The following BRAF variants were observed in gnomAD, a reference collection of about 807,000 sequenced individuals.
The protein encoded by BRAF is serine/threonine-protein kinase B-raf.
A neutral mutation model predicts 104.6 loss-of-function variants in BRAF; 16 were observed. The ratio of observed to expected loss-of-function variants is 0.15; its 90% CI spans 0.10 to 0.23. The LOEUF is 0.23. Among genes scored for constraint, BRAF ranks in the 10% least tolerant of loss-of-function variants. The probability of loss-of-function intolerance (pLI) is 1.00; values close to 1 mark genes in which losing one functional copy is unlikely to be tolerated. For synonymous variants in BRAF, 310 were observed against 341.6 expected, an observed-to-expected ratio of 0.91 and a Z score of 1.02; for missense variants, 541 against 937.3, an observed-to-expected ratio of 0.58 and a Z score of 5.52.
At chr7:140,750,777 A>G (rs1159212176) in intron 16 of BRAF, among the ~76,000 whole-genome samples, 1 of 142,554 alleles carries the variant, frequency 7.0e-6, no homozygotes, top group African/African-American at 3.0e-5. Context: ...ATGGAGTAGA[A>G]ATCAGATGAA....
chr7:140,898,789 T>G (rs551690981), intron 1 of BRAF, among the ~76,000 whole-genome samples: 1 of 152,354 alleles, frequency 6.6e-6, no homozygotes, highest in South Asian at 2.1e-4. Flanking sequence ...TCTCTACTTA[T>G]AATTCTAGTA....
chr7:140,909,836 C>A (rs1456432718), intron 1 of BRAF, among the ~76,000 whole-genome samples: 1 of 148,474 alleles, frequency 6.7e-6, no homozygotes, highest in African/African-American at 2.6e-5. Context: ...ACAACAACAA[C>A]AACAACAACA....
chr7:140,841,824 T>C (rs1808000849), intron 2 of BRAF, among the ~76,000 whole-genome samples: 1 of 152,154 alleles, frequency 6.6e-6, no homozygotes, highest in South Asian at 2.1e-4. Context: ...AACCACTGAA[T>C]TACACAGTTT....
At chr7:140,761,008 G>T (rs1798667771) in intron 14 of BRAF, among the ~76,000 whole-genome samples, 1 of 152,146 alleles carries the variant, frequency 6.6e-6, no homozygotes, top group African/African-American at 2.4e-5. Context: ...AGCAAGGCAG[G>T]CCAATGTTCA....
intron 2 of BRAF, among the ~76,000 whole-genome samples, chr7:140,838,182 A>G (rs1197599040): frequency 6.6e-6 from 1 of 152,188 alleles, no homozygotes; most frequent in Non-Finnish European, 1.5e-5. Flanking sequence ...TATTTTTCAA[A>G]AAGTCTAATT....
chr7:140,812,364 C>T (rs367788796), intron 3 of BRAF, among the ~76,000 whole-genome samples: 1 of 152,110 alleles, frequency 6.6e-6, no homozygotes, highest in Non-Finnish European at 1.5e-5. Flanking sequence ...CACTAGTTTG[C>T]TTAAAATTTT....
intron 1 of BRAF, among the ~76,000 whole-genome samples, chr7:140,905,075 T>C (rs1816152161): frequency 6.6e-6 from 1 of 152,082 alleles, no homozygotes; most frequent in Non-Finnish European, 1.5e-5. Context: ...CAGTCAATTT[T>C]CCCCCCAAAA....
At chr7:140,729,143 G>T (rs192336625) in intron 19 of BRAF, among the ~76,000 whole-genome samples, 169 of 152,094 alleles carry the variant, frequency 1.1e-3, no homozygotes, top group African/African-American at 3.8e-3. Context: ...GCTGAAGTGG[G>T]AGGATCACTT....
At chr7:140,842,296 C>T (rs561534207) in intron 2 of BRAF, among the ~76,000 whole-genome samples, 1 of 152,252 alleles carries the variant, frequency 6.6e-6, no homozygotes, top group South Asian at 2.1e-4. Context: ...GCCTGAATTG[C>T]TTCATTTATA....
intron 5 of BRAF, among the ~76,000 whole-genome samples, chr7:140,804,279 A>T (rs988588466): frequency 3.3e-5 from 5 of 151,906 alleles, no homozygotes; most frequent in African/African-American, 1.2e-4. Flanking sequence ...ATCTCGGCTC[A>T]CTACAACCTC....
At chr7:140,883,980 G>T (rs1813231686) in intron 1 of BRAF, 1 of 152,102 alleles carries the variant, frequency 6.6e-6, no homozygotes, top group African/African-American at 2.4e-5. Flanking sequence ...ACAGTAATAA[G>T]AAATAAGATG....
At chr7:140,897,547 G>A (rs979454684) in intron 1 of BRAF, among the ~76,000 whole-genome samples, 9 of 136,620 alleles carry the variant, frequency 6.6e-5, no homozygotes, top group African/African-American at 2.6e-4. Context: ...CCAGGCTGGA[G>A]TGCAGTGGCA....
At chr7:140,719,233 T>C (rs1421888826), downstream of BRAF, 1 of 459,420 alleles carries the variant, frequency 2.2e-6, no homozygotes. Context: ...AAACAAAATG[T>C]ACATTTCTCA....
chr7:140,889,135 C>A (rs920790026), intron 1 of BRAF, among the ~76,000 whole-genome samples: 1 of 152,060 alleles, frequency 6.6e-6, no homozygotes, highest in Non-Finnish European at 1.5e-5. Flanking sequence ...ATCAACAGCG[C>A]CAATGTTGAG....
rs73165476 is a variant in BRAF, at chr7:140,885,586, T to C, written c.139-35374A>G. On this transcript the variant is annotated intron_variant, in intron 1 of 19. Coordinates refer to ENST00000644969, the MANE Select transcript of BRAF (RefSeq NM_001374258.1). ...TTTAGTTACATATTTGTGCCCAGAT[T>C]TTGTTCAAGGTCTGTGTTACAATGT... Among the ~76,000 whole-genome samples, 485 of 152,326 alleles carry C rather than the reference T, an allele frequency of 3.2e-3. 3 individuals carry two copies. The highest frequency in any genetic ancestry group is 5.4e-3 in the Non-Finnish European group (368 of 68,024).
chr7:140,821,881 T>A (rs1805525259), intron 3 of BRAF, among the ~76,000 whole-genome samples: 1 of 152,172 alleles, frequency 6.6e-6, no homozygotes, highest in Non-Finnish European at 1.5e-5. Flanking sequence ...GCAACCTGGA[T>A]GCAGCTGGAA....
intron 2 of BRAF, among the ~76,000 whole-genome samples, chr7:140,847,350 AG>A (rs1808672113): frequency 6.6e-6 from 1 of 152,138 alleles, no homozygotes; most frequent in Admixed American, 6.6e-5. Flanking sequence ...TGAGAGGCCA[AG>A]GGGGGCAGAT....
chr7:140,796,416 CT>C (rs1269110645), intron 7 of BRAF, among the ~76,000 whole-genome samples: 1 of 150,688 alleles, frequency 6.6e-6, no homozygotes, highest in African/African-American at 2.4e-5. Context: ...AGATAGTCTA[CT>C]GTAATAATTG....
At chr7:140,742,167 G>T (rs778575121) in intron 17 of BRAF, among the ~76,000 whole-genome samples, 5 of 151,818 alleles carry the variant, frequency 3.3e-5, no homozygotes, top group Non-Finnish European at 7.4e-5. Context: ...TTTGCCAGAG[G>T]TGTATAGACA....
Sources: allele counts gnomAD v4.1 joint callset (sites outside exome capture counted in the v4.1 genomes callset), GRCh38; gene constraint gnomAD v4.1.1; transcripts MANE v1.5; gene names NCBI Gene and HGNC (gene_info 2026-07-23, HGNC 2026-07-21).